DCAF4L1: variants seen among roughly 807,000 people sequenced by gnomAD.
The protein encoded by DCAF4L1 is DDB1 and CUL4 associated factor 4 like 1.
A neutral mutation model predicts 28.2 loss-of-function variants in DCAF4L1; 4 were observed. The ratio of observed to expected loss-of-function variants is 0.14; its 90% CI spans 0.07 to 0.33. The LOEUF is 0.33. Ranked by LOEUF, DCAF4L1 falls within the 10% of genes least tolerant of loss-of-function variation. DCAF4L1 has a pLI of 1.00. For synonymous variants in DCAF4L1, 252 were observed against 212.1 expected (o/e 1.19, Z -1.63); for missense variants, 331 against 506.1 (o/e 0.65, Z 3.32).
chr4:41,982,833 C>A lies in DCAF4L1; in HGVS notation c.1041C>A (p.His347Gln). Reference sequence around the variant, plus strand: ...GAATCTGGAGCCTCCATGATGCCCACCTGCTCAGAACCATCCCTTCCCCGT... The same window carrying A: ...GAATCTGGAGCCTCCATGATGCCCAACTGCTCAGAACCATCCCTTCCCCGT... ...YTRIWSLHDA[H>Q]LLRTIPSPYS... The change falls in exon 1 of 1, where the codon CAC becomes CAA. Residue 347 changes from histidine to glutamine, a missense_variant. His to Gln is a conservative substitution (Grantham distance 24). Coordinates refer to ENST00000333141, the MANE Select transcript of DCAF4L1 (RefSeq NM_001029955.4). This position sits in a 1 kb window ranked among gnomAD's most constrained non-coding sequence, Gnocchi z 4.4. The A allele has an allele frequency of 6.2e-7, 1 of 1,614,200 alleles. No individual in the cohort carries two copies. The highest frequency in any genetic ancestry group is 8.5e-7 in the Non-Finnish European group (1 of 1,180,040).
chr4:41,981,787 G>C lies in DCAF4L1; in HGVS notation c.-6G>C. 1 of 1,612,508 alleles carries C rather than the reference G, an allele frequency of 6.2e-7. No individual in the cohort carries two copies. The highest frequency in any genetic ancestry group is 8.5e-7 in the Non-Finnish European group (1 of 1,178,792). ...TCCTGTCACGAGGAACATTCCGCAG[G>C]AGGAAATGGAGGCTGAAAGGCTGCG... On this transcript the variant is annotated 5_prime_UTR_variant, in exon 1 of 1. Coordinates refer to ENST00000333141, the MANE Select transcript of DCAF4L1 (RefSeq NM_001029955.4).
Position 41,983,862 on chromosome 4 carries a change from TC to T in DCAF4L1, c.*880del, listed in dbSNP as rs1482591019. On this transcript the variant is annotated 3_prime_UTR_variant, in exon 1 of 1. Coordinates refer to ENST00000333141, the MANE Select transcript of DCAF4L1 (RefSeq NM_001029955.4). Reference sequence around the variant, plus strand: ...CTTAATAGCCAAAGCCTGGAAATGATCTGAATTTCGAAAATGCTAAAATTCG... The same window carrying T: ...CTTAATAGCCAAAGCCTGGAAATGATTGAATTTCGAAAATGCTAAAATTCG... The T allele has an allele frequency of 6.0e-6, 1 of 166,954 alleles. No homozygotes were observed. Among genetic ancestry groups the T allele is most frequent in the Non-Finnish European group, 1.5e-5 (1 of 68,126 alleles). The allele number at this position is 166,954 out of a possible 1,614,324, so 10.3% of individuals were successfully genotyped here.
rs1012455893 is a variant in DCAF4L1, at chr4:41,984,270, A to T, written c.*1287A>T. The T allele has an allele frequency of 1.8e-5, 3 of 166,818 alleles. No individual in the cohort carries two copies. The highest frequency in any genetic ancestry group is 7.2e-5 in the African/African-American group (3 of 41,422). The allele number at this position is 166,818 out of a possible 1,614,324, so 10.3% of individuals were successfully genotyped here. A position where few individuals can be genotyped will look rare whatever the true frequency, so the allele number is the denominator to read the frequency against. On this transcript the variant is annotated 3_prime_UTR_variant, in exon 1 of 1. Transcript: ENST00000333141. ...TATTCCTCAAAAAATAAAAATAAGC[A>T]ATTAGGACACTATTGTAGTTAGGCA...
chr4:41,982,908 C>G lies in DCAF4L1; in HGVS notation c.1116C>G (p.Leu372=), dbSNP rs781720567. The change falls in exon 1 of 1, where the codon CTC becomes CTG. Residue 372 remains leucine (L), a synonymous_variant. Coordinates refer to ENST00000333141, the MANE Select transcript of DCAF4L1 (RefSeq NM_001029955.4). The surrounding 1 kb of genome is among the most constrained non-coding windows in gnomAD (Gnocchi z 4.4). The part of the protein sequence containing the change: ...DIPSVAFASR[L]GGIRGAAPGL... Reference sequence around the variant, plus strand: ...CCAGCGTGGCCTTCGCTTCTCGGCTCGGGGGCATCCGGGGAGCAGCACCAG... The same window carrying G: ...CCAGCGTGGCCTTCGCTTCTCGGCTGGGGGGCATCCGGGGAGCAGCACCAG... 2 of 1,614,112 alleles carry G rather than the reference C, an allele frequency of 1.2e-6. No homozygotes were observed. The highest frequency in any genetic ancestry group is 2.2e-5 in the East Asian group (1 of 44,872).
chr4:41,981,996 T>C lies in DCAF4L1; in HGVS notation c.204T>C (p.Ser68=), dbSNP rs1333481898. ...AAATTCGGAGCTTGGATCCCTCCTC[T>C]TTGGCGAGCGACCGATTTAACTTCA... ...KVQIRSLDPS[S]LASDRFNFIL... is the part of the protein sequence containing the mutation. Residue 68 remains serine (S), a synonymous_variant, in exon 1 of 1, where the codon TCT becomes TCC. Coordinates refer to ENST00000333141, the MANE Select transcript of DCAF4L1 (RefSeq NM_001029955.4). 5 of 1,614,118 alleles carry C rather than the reference T, an allele frequency of 3.1e-6. No individual in the cohort carries two copies. Among genetic ancestry groups the C allele is most frequent in the Non-Finnish European group, 2.5e-6 (3 of 1,180,042 alleles).
Position 41,984,098 on chromosome 4 carries a change from AT to A in DCAF4L1, c.*1124del, listed in dbSNP as rs200452495. 4 of 163,204 alleles carry A rather than the reference AT, an allele frequency of 2.5e-5. No individual in the cohort carries two copies. The highest frequency in any genetic ancestry group is 2.4e-5 in the African/African-American group (1 of 41,182). 10.1% of individuals were successfully genotyped at this position (163,204 alleles called of 1,614,324 possible). On this transcript the variant is annotated 3_prime_UTR_variant, in exon 1 of 1. Coordinates refer to ENST00000333141, the MANE Select transcript of DCAF4L1 (RefSeq NM_001029955.4). ...GTACGTACCTCTGTAGAAAGAAAGGATTTTTTTTTCTTTTTCTTTTTAGGAT... is the reference window on the plus strand; with the variant it reads ...GTACGTACCTCTGTAGAAAGAAAGGATTTTTTTTCTTTTTCTTTTTAGGAT...
rs1714073075 is a variant in DCAF4L1, at chr4:41,983,969, C to A, written c.*986C>A. The A allele has an allele frequency of 6.0e-6, 1 of 165,708 alleles. No homozygotes were observed. Among genetic ancestry groups the A allele is most frequent in the Non-Finnish European group, 1.5e-5 (1 of 68,102 alleles). The allele number at this position is 165,708 out of a possible 1,614,324, so 10.3% of individuals were successfully genotyped here. On this transcript the variant is annotated 3_prime_UTR_variant, in exon 1 of 1. Coordinates refer to ENST00000333141, the MANE Select transcript of DCAF4L1 (RefSeq NM_001029955.4). ...TATGTGAAACAGTATGGACCAATCT[C>A]AACATGTTGACTGAAATTAGGTAGA...
rs34943342 is a variant in DCAF4L1 at position 41,986,368 on chromosome 4, TAC to T, written c.*3389_*3390del. On this transcript the variant is annotated 3_prime_UTR_variant, in exon 1 of 1. Transcript: ENST00000333141. ...ATCCTCTCTATAGCGGGGTACTGGC[TAC>T]ACAGTTTTTGTTCACTAGTGATAAT... 0.63 allele frequency: 105,513 copies of T among 166,924 alleles called. 38,535 individuals are homozygous for T. Among genetic ancestry groups the T allele is most frequent in the East Asian group, 0.95 (4,932 of 5,170 alleles). The allele number at this position is 166,924 out of a possible 1,614,324, so 10.3% of individuals were successfully genotyped here.
chr4:41,983,059 G>A lies in DCAF4L1; in HGVS notation c.*76G>A. On this transcript the variant is annotated 3_prime_UTR_variant, in exon 1 of 1. Transcript: ENST00000333141. ...GAGTATCTTATTACCGTTTCTGTGA[G>A]AGCATTTTAAGAGACGTGTTGTATA... 2.2e-6 allele frequency: 3 copies of A among 1,348,700 alleles called. No homozygotes were observed. Among genetic ancestry groups the A allele is most frequent in the Non-Finnish European group, 3.1e-6 (3 of 983,092 alleles). 83.5% of individuals were successfully genotyped at this position (1,348,700 alleles called of 1,614,324 possible).
At position 41,983,044 on chromosome 4, in the gene DCAF4L1, T is replaced by C. The variant is rs1207906211; in HGVS notation, c.*61T>C. ...ACTTAAGGAAGTTAAGAGTATCTTA[T>C]TACCGTTTCTGTGAGAGCATTTTAA... On this transcript the variant is annotated 3_prime_UTR_variant, in exon 1 of 1. Transcript: ENST00000333141. The C allele has an allele frequency of 2.0e-5, 29 of 1,430,334 alleles. No homozygotes were observed. The highest frequency in any genetic ancestry group is 2.6e-5 in the Non-Finnish European group (27 of 1,049,206). 88.6% of individuals were successfully genotyped at this position (1,430,334 alleles called of 1,614,324 possible).
Position 41,984,243 on chromosome 4 carries a change from G to A in DCAF4L1, c.*1260G>A, listed in dbSNP as rs1714081591. 1 of 166,298 alleles carries A rather than the reference G, an allele frequency of 6.0e-6. No individual in the cohort carries two copies. The highest frequency in any genetic ancestry group is 2.1e-4 in the South Asian group (1 of 4,820). The allele number at this position is 166,298 out of a possible 1,614,324, so 10.3% of individuals were successfully genotyped here. On this transcript the variant is annotated 3_prime_UTR_variant, in exon 1 of 1. Transcript: ENST00000333141. ...CGTTTTTATAGTTTACTGTATATAT[G>A]TTATTCCTCAAAAAATAAAAATAAG...
rs1560527443 is a variant in DCAF4L1 at position 41,982,952 on chromosome 4, G to A, written c.1160G>A (p.Arg387Gln). 2 of 1,612,258 alleles carry A rather than the reference G, an allele frequency of 1.2e-6. No homozygotes were observed. Among genetic ancestry groups the A allele is most frequent in the Non-Finnish European group, 1.7e-6 (2 of 1,179,164 alleles). Residue 387 changes from arginine (R) to glutamine (Q), a missense_variant, in exon 1 of 1, where the codon CGG (arginine) becomes CAG (glutamine). By Grantham distance (43) the Arg-to-Gln change is conservative. Coordinates refer to ENST00000333141, the MANE Select transcript of DCAF4L1 (RefSeq NM_001029955.4). This position sits in a 1 kb window ranked among gnomAD's most constrained non-coding sequence, Gnocchi z 4.4. ...GCACCAGGGCTGCTCATGGCTGTCCGGCAGGACCTTTATTGTTTCCCCTTC... is the reference window on the plus strand; with the variant it reads ...GCACCAGGGCTGCTCATGGCTGTCCAGCAGGACCTTTATTGTTTCCCCTTC... ...GAAPGLLMAV[R>Q]QDLYCFPFS
In DCAF4L1 at chr4:41,985,799, C is replaced by G. The variant is rs191720625; in HGVS notation, c.*2816C>G. On this transcript the variant is annotated 3_prime_UTR_variant, in exon 1 of 1. Transcript: ENST00000333141. ...ACACAAAAGAGCACATATTGTACAA[C>G]TAATGCACATAAAGTCCCTAAACAG... 2 of 167,174 alleles carry G rather than the reference C, an allele frequency of 1.2e-5. No homozygotes were observed. Among genetic ancestry groups the G allele is most frequent in the African/African-American group, 4.8e-5 (2 of 41,566 alleles). 10.4% of individuals were successfully genotyped at this position (167,174 alleles called of 1,614,324 possible). A position where few individuals can be genotyped will look rare whatever the true frequency, so the allele number is the denominator to read the frequency against.
chr4:41,982,352 C>G lies in DCAF4L1; in HGVS notation c.560C>G (p.Ser187Cys), dbSNP rs761795480. The G allele has an allele frequency of 4.3e-6, 7 of 1,614,120 alleles. No individual in the cohort carries two copies. The highest frequency in any genetic ancestry group is 5.9e-6 in the Non-Finnish European group (7 of 1,180,058). The stretch of plus-strand genomic sequence containing the variant: ...AGTTTCCAGATCCCAGAGGCCTGGT[C>G]CTGTGCGTGGTCCCTCAACACCCGG... The part of the protein sequence containing the change: ...LCSFQIPEAW[S>C]CAWSLNTRAY... Residue 187 changes from serine (S) to cysteine (C), a missense_variant, in exon 1 of 1, where the codon TCC becomes TGC. Coordinates refer to ENST00000333141, the MANE Select transcript of DCAF4L1 (RefSeq NM_001029955.4). This position sits in a 1 kb window ranked among gnomAD's most constrained non-coding sequence, Gnocchi z 4.4.
chr4:41,982,033 AC>A lies in DCAF4L1; in HGVS notation c.243del (p.Asn82ThrfsTer7). On this transcript the variant is annotated frameshift_variant, in exon 1 of 1. Transcript: ENST00000333141. LOFTEE classifies it high-confidence loss of function. This position sits in a 1 kb window ranked among gnomAD's most constrained non-coding sequence, Gnocchi z 4.4. ...CCGATTTAACTTCATTCTGGCGAGT[AC>A]CAACAGCGACCAGCTCTTCGTAGTG... ...SDRFNFILAS[T>X]NSDQLFVVNQ... 6.2e-7 allele frequency: 1 copy of A among 1,614,218 alleles called. No individual in the cohort carries two copies. Among genetic ancestry groups the A allele is most frequent in the South Asian group, 1.1e-5 (1 of 91,076 alleles).
chr4:41,983,460 CAG>C lies in DCAF4L1; in HGVS notation c.*480_*481del. Reference sequence around the variant, plus strand: ...TGGAGACAAGGGAGAGGTAATTTCTCAGAGTCTCTACAGAAATATTTAAGGCT... The same window carrying C: ...TGGAGACAAGGGAGAGGTAATTTCTCAGTCTCTACAGAAATATTTAAGGCT... On this transcript the variant is annotated 3_prime_UTR_variant, in exon 1 of 1. Coordinates refer to ENST00000333141, the MANE Select transcript of DCAF4L1 (RefSeq NM_001029955.4). 1 of 167,888 alleles carries C rather than the reference CAG, an allele frequency of 6.0e-6. No individual in the cohort carries two copies. The highest frequency in any genetic ancestry group is 1.9e-4 in the East Asian group (1 of 5,196). The allele number at this position is 167,888 out of a possible 1,614,324, so 10.4% of individuals were successfully genotyped here.
Position 41,984,545 on chromosome 4 carries a change from G to C in DCAF4L1, c.*1562G>C, listed in dbSNP as rs540593442. The C allele has an allele frequency of 6.4e-6, 1 of 155,546 alleles. No individual in the cohort carries two copies. Among genetic ancestry groups the C allele is most frequent in the African/African-American group, 2.6e-5 (1 of 38,924 alleles). The allele number at this position is 155,546 out of a possible 1,614,324, so 9.6% of individuals were successfully genotyped here. A position where few individuals can be genotyped will look rare whatever the true frequency, so the allele number is the denominator to read the frequency against. ...AAGCTCTGAGGATGGCAGCTTTTTT[G>C]TTAACTTTAGAACTGGTAGATGATG... On this transcript the variant is annotated 3_prime_UTR_variant, in exon 1 of 1. Coordinates refer to ENST00000333141, the MANE Select transcript of DCAF4L1 (RefSeq NM_001029955.4).
At position 41,982,568 on chromosome 4, in the gene DCAF4L1, G is replaced by A; in HGVS notation, c.776G>A (p.Gly259Asp). The A allele has an allele frequency of 6.2e-7, 1 of 1,614,224 alleles. No individual in the cohort carries two copies. Among genetic ancestry groups the A allele is most frequent in the Non-Finnish European group, 8.5e-7 (1 of 1,180,046 alleles). The change falls in exon 1 of 1, where the codon GGC becomes GAC. Residue 259 changes from glycine (G) to aspartate (D), a missense_variant. Transcript: ENST00000333141. This position sits in a 1 kb window ranked among gnomAD's most constrained non-coding sequence, Gnocchi z 4.4. ...FAIDLRCRNR[G>D]KGWRATRLFH... ...ATTGATCTGCGTTGTAGAAATCGAG[G>A]CAAGGGGTGGAGGGCCACTCGCCTG...
rs1435272680 is a variant in DCAF4L1, at chr4:41,985,702, C to T, written c.*2719C>T. On this transcript the variant is annotated 3_prime_UTR_variant, in exon 1 of 1. Transcript: ENST00000333141. ...TGTGGGATATTAACACAATGGAATC[C>T]TTTTTGCAGTGAGAATGAGCATAGC... is the stretch of plus-strand genomic sequence containing the variant. The T allele has an allele frequency of 6.0e-6, 1 of 166,948 alleles. No homozygotes were observed. The highest frequency in any genetic ancestry group is 1.9e-4 in the East Asian group (1 of 5,206). 10.3% of individuals were successfully genotyped at this position (166,948 alleles called of 1,614,324 possible). A position where few individuals can be genotyped will look rare whatever the true frequency, so the allele number is the denominator to read the frequency against.
Sources: allele counts gnomAD v4.1 joint callset, GRCh38; gene constraint gnomAD v4.1.1; non-coding constraint Gnocchi (gnomAD v3.1); transcripts MANE v1.5; gene names NCBI Gene and HGNC (gene_info 2026-07-23, HGNC 2026-07-21).